Variants in ALK observed in about 807,000 individuals in gnomAD.
The protein encoded by ALK is ALK receptor tyrosine kinase.
Under a neutral mutation model 163.1 loss-of-function variants are expected in ALK, and 74 were observed. That is an observed-to-expected ratio of 0.45 (90% CI 0.38 to 0.55). The LOEUF is 0.55. Among genes scored for constraint, ALK ranks in the 20% least tolerant of loss-of-function variants. The probability of loss-of-function intolerance (pLI) is 0.00; values close to 1 mark genes in which losing one functional copy is unlikely to be tolerated. For synonymous variants in ALK, 960 were observed against 843.2 expected, an observed-to-expected ratio of 1.14 and a Z score of -2.40; for missense variants, 2,063 against 2,105.3, an observed-to-expected ratio of 0.98 and a Z score of 0.39.
At chr2:29,885,911 A>T (rs1666973933) in intron 1 of ALK, among the ~76,000 whole-genome samples, 1 of 152,204 alleles carries the variant, frequency 6.6e-6, no homozygotes, top group Non-Finnish European at 1.5e-5. Context: ...AAAAAGTCAG[A>T]CAGAAATTAC....
chr2:29,526,916 G>A (rs1280180755), intron 4 of ALK, among the ~76,000 whole-genome samples: 2 of 152,244 alleles, frequency 1.3e-5, no homozygotes, highest in South Asian at 2.1e-4. Context: ...CTACTGACAG[G>A]AACAGCCAGG....
At chr2:29,361,673 T>C (rs1668391480) in intron 5 of ALK, among the ~76,000 whole-genome samples, 1 of 152,118 alleles carries the variant, frequency 6.6e-6, no homozygotes, top group Non-Finnish European at 1.5e-5. Flanking sequence ...GGTCTGCAAT[T>C]TGGGGTCACC....
chr2:29,895,769 G>C lies in ALK; in HGVS notation c.667+24224C>G, dbSNP rs146830535. Among the ~76,000 whole-genome samples, 3 of 151,998 alleles carry C rather than the reference G, an allele frequency of 2.0e-5. No homozygotes were observed. In the East Asian group the frequency reaches 5.8e-4, roughly 29 times the overall value. On this transcript the variant is annotated intron_variant, in intron 1 of 28. Coordinates refer to ENST00000389048, the MANE Select transcript of ALK (RefSeq NM_004304.5). ...CCATCTGCTTAATTACCATCTTATT[G>C]GCCAGTTTATCTGCTCTCCTAGGTC...
intron 1 of ALK, among the ~76,000 whole-genome samples, chr2:29,789,313 T>A (rs894360868): frequency 2.6e-5 from 4 of 152,152 alleles, no homozygotes; most frequent in African/African-American, 9.7e-5. Context: ...CACACCTCCT[T>A]GTAAAAGGCA....
chr2:29,735,584 C>T lies in ALK; in HGVS notation c.668-17887G>A, dbSNP rs886768492. ...TTTATTGACATGGTTTGACCGTGTC[C>T]CCACCCAAATCTCATCTTGAATTGT... is the stretch of plus-strand genomic sequence containing the variant. On this transcript the variant is annotated intron_variant, in intron 1 of 28. Transcript: ENST00000389048. Among the ~76,000 whole-genome samples, 5 of 151,792 alleles carry T rather than the reference C, an allele frequency of 3.3e-5. No homozygotes were observed. In the South Asian group the frequency reaches 1.0e-3, roughly 32 times the overall value.
chr2:29,276,224 A>C (rs893929108), intron 9 of ALK, among the ~76,000 whole-genome samples: 2 of 152,176 alleles, frequency 1.3e-5, no homozygotes, highest in Non-Finnish European at 2.9e-5. Context: ...AAGCGACTTG[A>C]CTATCACCCC....
At chr2:29,485,118 A>C (rs1671749626) in intron 4 of ALK, among the ~76,000 whole-genome samples, 1 of 152,102 alleles carries the variant, frequency 6.6e-6, no homozygotes, top group Non-Finnish European at 1.5e-5. Flanking sequence ...CCAAGTATTG[A>C]TCCTCCTCCA....
chr2:29,213,686 A>C (rs1669521675), intron 24 of ALK, among the ~76,000 whole-genome samples: 1 of 152,188 alleles, frequency 6.6e-6, no homozygotes, highest in Non-Finnish European at 1.5e-5. Context: ...TACCATCTCA[A>C]AGACAAAGCT....
At chr2:29,424,340 CA>C (rs1456566632) in intron 4 of ALK, among the ~76,000 whole-genome samples, 2 of 152,140 alleles carry the variant, frequency 1.3e-5, no homozygotes, top group African/African-American at 2.4e-5. Context: ...TCAAGTAGCA[CA>C]AAAGAATACT....
At chr2:29,327,989 T>G (rs1347209515) in intron 6 of ALK, among the ~76,000 whole-genome samples, 2 of 152,020 alleles carry the variant, frequency 1.3e-5, no homozygotes, top group Non-Finnish European at 2.9e-5. Context: ...AGGGAGAGGA[T>G]GAGGGGCAGG....
chr2:29,526,918 A>G (rs1672973753), intron 4 of ALK, among the ~76,000 whole-genome samples: 1 of 152,226 alleles, frequency 6.6e-6, no homozygotes, highest in Admixed American at 6.5e-5. Flanking sequence ...ACTGACAGGA[A>G]CAGCCAGGGT....
intron 1 of ALK, among the ~76,000 whole-genome samples, chr2:29,863,867 A>G (rs1049717432): frequency 2.6e-5 from 4 of 152,144 alleles, no homozygotes; most frequent in African/African-American, 7.2e-5. Flanking sequence ...CTACTCTTTC[A>G]TAAGTCAGAC....
At chr2:29,808,523 A>G (rs962762365) in intron 1 of ALK, among the ~76,000 whole-genome samples, 5 of 152,100 alleles carry the variant, frequency 3.3e-5, no homozygotes, top group East Asian at 1.9e-4. Context: ...TCTTCCATCA[A>G]TTTCCTAGAT....
At chr2:29,193,991 G>C in intron 28 of ALK, 69 bp from the exon 29 acceptor site, 1 of 1,433,358 alleles carries the variant, frequency 7.0e-7, no homozygotes, top group Admixed American at 1.8e-5. Flanking sequence ...AGATACCTTA[G>C]AGATGATGTT....
At chr2:29,443,015 T>C (rs1670585155) in intron 4 of ALK, among the ~76,000 whole-genome samples, 2 of 152,236 alleles carry the variant, frequency 1.3e-5, no homozygotes. Flanking sequence ...ACGTCCTGTG[T>C]GTCCTGCTCA....
At chr2:29,240,872 G>A (rs1664505544) in intron 12 of ALK, among the ~76,000 whole-genome samples, 1 of 152,148 alleles carries the variant, frequency 6.6e-6, no homozygotes, top group Non-Finnish European at 1.5e-5. Context: ...CAGATCCAAG[G>A]TCTTTTACAA....
intron 4 of ALK, among the ~76,000 whole-genome samples, chr2:29,459,066 A>T (rs1349904327): frequency 6.6e-6 from 1 of 152,190 alleles, no homozygotes; most frequent in African/African-American, 2.4e-5. Context: ...GACTGAATTT[A>T]TATTTTAAAT....
intron 4 of ALK, among the ~76,000 whole-genome samples, chr2:29,430,464 T>C (rs918209265): frequency 2.6e-5 from 4 of 152,198 alleles, no homozygotes; most frequent in African/African-American, 7.2e-5. Flanking sequence ...CATACAGTCT[T>C]TAACACAACT....
At chr2:29,243,631 G>A (rs77599533) in intron 12 of ALK, among the ~76,000 whole-genome samples, 4,149 of 152,212 alleles carry the variant, frequency 0.027, 199 homozygotes, top group African/African-American at 0.095. Context: ...TTCACCCAGG[G>A]CCCACCTCTG....
Sources: allele counts gnomAD v4.1 joint callset (sites outside exome capture counted in the v4.1 genomes callset), GRCh38; gene constraint gnomAD v4.1.1; transcripts MANE v1.5; gene names NCBI Gene and HGNC (gene_info 2026-07-23, HGNC 2026-07-21).